The following KIRREL3 variants were observed in gnomAD, a reference collection of about 807,000 sequenced individuals.
KIRREL3 encodes kirre like nephrin family adhesion molecule 3.
A neutral mutation model predicts 89.7 loss-of-function variants in KIRREL3; 36 were observed. That is an observed-to-expected ratio of 0.40 (90% CI 0.31 to 0.53). The LOEUF is 0.53. Ranked by LOEUF, KIRREL3 falls within the 20% of genes least tolerant of loss-of-function variation. KIRREL3 has a pLI of 0.49. For synonymous variants in KIRREL3, 445 were observed against 441.4 expected, an observed-to-expected ratio of 1.01 and a Z score of -0.10; for missense variants, 864 against 1,056.6, an observed-to-expected ratio of 0.82 and a Z score of 2.53.
rs2134424351 is a variant in KIRREL3 at position 126,519,951 on chromosome 11, G to T, written c.433+1364C>A. ...AATCCCAACTTATTTACCCCCGCTG[G>T]AACAGGTTTATTTTCTCATTCCTTT... On this transcript the variant is annotated intron_variant, in intron 4 of 16. Coordinates refer to ENST00000525144, the MANE Select transcript of KIRREL3 (RefSeq NM_032531.4). This position sits in a 1 kb window ranked among gnomAD's most constrained non-coding sequence, Gnocchi z 4.3. Among the ~76,000 whole-genome samples, 1 of 152,226 alleles carries T rather than the reference G, an allele frequency of 6.6e-6. No homozygotes were observed. The highest frequency in any genetic ancestry group is 2.1e-4 in the South Asian group (1 of 4,826).
intron 1 of KIRREL3, among the ~76,000 whole-genome samples, chr11:126,882,199 T>C (rs942563895): frequency 6.6e-6 from 1 of 152,212 alleles, no homozygotes; most frequent in African/African-American, 2.4e-5. Context: ...TTCAAATGTA[T>C]CTAAAAATTG....
At chr11:126,650,605 A>G (rs1213723921) in intron 1 of KIRREL3, among the ~76,000 whole-genome samples, 2 of 152,156 alleles carry the variant, frequency 1.3e-5, no homozygotes, top group African/African-American at 4.8e-5. Flanking sequence ...CCTTATCTCC[A>G]TCTGAGACAA....
chr11:126,448,279 C>CAAAAAAAAAAAAA (rs55787866), intron 8 of KIRREL3, among the ~76,000 whole-genome samples: 2 of 95,372 alleles, frequency 2.1e-5, no homozygotes, highest in Non-Finnish European at 4.2e-5. Context: ...GAGACTGTCT[C>CAAAAAAAAAAAAA]AAAAAAAAAA....
intron 4 of KIRREL3, among the ~76,000 whole-genome samples, chr11:126,517,875 G>C (rs1385177317): frequency 2.0e-5 from 3 of 152,202 alleles, no homozygotes; most frequent in Non-Finnish European, 4.4e-5. Context: ...GTAAAACCAA[G>C]ACCACTGCCT....
At chr11:126,451,716 G>A (rs116106562) in intron 7 of KIRREL3, among the ~76,000 whole-genome samples, 1,725 of 152,320 alleles carry the variant, frequency 0.011, 33 homozygotes, top group African/African-American at 0.039. Context: ...GCATGTGTGA[G>A]CACGTGCATA....
intron 1 of KIRREL3, among the ~76,000 whole-genome samples, chr11:126,911,698 C>T (rs781240484): frequency 7.2e-5 from 11 of 152,056 alleles, no homozygotes; most frequent in African/African-American, 2.4e-5. Context: ...TCCATAAGAA[C>T]GGCATCCGGG....
rs1958313557 is a variant in KIRREL3 at position 126,513,890 on chromosome 11, T to A, written c.433+7425A>T. On this transcript the variant is annotated intron_variant, in intron 4 of 16. Coordinates refer to ENST00000525144, the MANE Select transcript of KIRREL3 (RefSeq NM_032531.4). The surrounding 1 kb of genome is among the most constrained non-coding windows in gnomAD (Gnocchi z 5.9). Reference sequence around the variant, plus strand: ...ACCCACAGGGTGGACCTCAGGGAGCTATAATATAACTTAGAGGTGAGAGAC... The same window carrying A: ...ACCCACAGGGTGGACCTCAGGGAGCAATAATATAACTTAGAGGTGAGAGAC... 6.6e-6 allele frequency among the ~76,000 whole-genome samples: 1 copy of A among 152,128 alleles called. No homozygotes were observed. Among genetic ancestry groups the A allele is most frequent in the African/African-American group, 2.4e-5 (1 of 41,424 alleles).
rs1287906632 is a variant in KIRREL3 at position 126,970,147 on chromosome 11, C to T, written c.55+30308G>A. ...CCTGCCCCCTCAGGGATATATCATG[C>T]ATTTGAAAAATTCTTTCTTCTTTCA... is the stretch of plus-strand genomic sequence containing the variant. On this transcript the variant is annotated intron_variant, in intron 1 of 16. Coordinates refer to ENST00000525144, the MANE Select transcript of KIRREL3 (RefSeq NM_032531.4). The surrounding 1 kb of genome is among the most constrained non-coding windows in gnomAD (Gnocchi z 4.4). Among the ~76,000 whole-genome samples, 1 of 152,192 alleles carries T rather than the reference C, an allele frequency of 6.6e-6. No homozygotes were observed. The highest frequency in any genetic ancestry group is 1.5e-5 in the Non-Finnish European group (1 of 68,034).
rs536985191 is a variant in KIRREL3, at chr11:126,696,128, G to C, written c.56-133216C>G. ...AAAAATTAGCCTGACATGGTGACACGTGCCTGTAGTCCCAGCTACTTGGGA... is the reference window on the plus strand; with the variant it reads ...AAAAATTAGCCTGACATGGTGACACCTGCCTGTAGTCCCAGCTACTTGGGA... On this transcript the variant is annotated intron_variant, in intron 1 of 16. Transcript: ENST00000525144. This position sits in a 1 kb window ranked among gnomAD's most constrained non-coding sequence, Gnocchi z 4.4. Among the ~76,000 whole-genome samples the C allele has an allele frequency of 6.6e-6, 1 of 151,856 alleles. No individual in the cohort carries two copies. Among genetic ancestry groups the C allele is most frequent in the Non-Finnish European group, 1.5e-5 (1 of 67,940 alleles).
At chr11:126,874,456 G>A (rs1012622688) in intron 1 of KIRREL3, among the ~76,000 whole-genome samples, 3 of 152,226 alleles carry the variant, frequency 2.0e-5, no homozygotes, top group Non-Finnish European at 4.4e-5. Context: ...AATCAGCACT[G>A]CCGGTGCCTG....
In KIRREL3 at chr11:126,495,016, G is replaced by A. The variant is rs1476841387; in HGVS notation, c.434-21550C>T. Among the ~76,000 whole-genome samples the A allele has an allele frequency of 6.6e-6, 1 of 152,212 alleles. No homozygotes were observed. Among genetic ancestry groups the A allele is most frequent in the African/African-American group, 2.4e-5 (1 of 41,450 alleles). On this transcript the variant is annotated intron_variant, in intron 4 of 16. Transcript: ENST00000525144. This position sits in a 1 kb window ranked among gnomAD's most constrained non-coding sequence, Gnocchi z 6.5. ...AGTTGGTGTCTGGAGAGGAGTGAGA[G>A]GTTCAACCAGGGTGGCTAGGCTGTG...
At chr11:126,665,426 C>T (rs369263960) in intron 1 of KIRREL3, among the ~76,000 whole-genome samples, 5 of 152,176 alleles carry the variant, frequency 3.3e-5, no homozygotes, top group African/African-American at 1.2e-4. Flanking sequence ...GTTTGTGTTT[C>T]TCCAAAATTC....
rs983531686 is a variant in KIRREL3, at chr11:126,615,005, C to T, written c.56-52093G>A. On this transcript the variant is annotated intron_variant, in intron 1 of 16. Coordinates refer to ENST00000525144, the MANE Select transcript of KIRREL3 (RefSeq NM_032531.4). The surrounding 1 kb of genome is among the most constrained non-coding windows in gnomAD (Gnocchi z 5.4). Reference sequence around the variant, plus strand: ...AGAAAAGGGGGGACTTGGGGAGAGGCGTGATTTGCGGTCTTCAAGAGGCTG... The same window carrying T: ...AGAAAAGGGGGGACTTGGGGAGAGGTGTGATTTGCGGTCTTCAAGAGGCTG... Among the ~76,000 whole-genome samples, 3 of 151,786 alleles carry T rather than the reference C, an allele frequency of 2.0e-5. No individual in the cohort carries two copies. Among genetic ancestry groups the T allele is most frequent in the African/African-American group, 4.8e-5 (2 of 41,296 alleles).
In KIRREL3 at chr11:126,860,946, C is replaced by T. The variant is rs1017346356; in HGVS notation, c.55+139509G>A. Reference sequence around the variant, plus strand: ...CTCCTATACAAAGCCTCTCCTGGTGCTACCAGAGGCAAACAAATTCTCCCT... The same window carrying T: ...CTCCTATACAAAGCCTCTCCTGGTGTTACCAGAGGCAAACAAATTCTCCCT... On this transcript the variant is annotated intron_variant, in intron 1 of 16. Coordinates refer to ENST00000525144, the MANE Select transcript of KIRREL3 (RefSeq NM_032531.4). This position sits in a 1 kb window ranked among gnomAD's most constrained non-coding sequence, Gnocchi z 4.6. Among the ~76,000 whole-genome samples the T allele has an allele frequency of 1.3e-5, 2 of 152,170 alleles. No homozygotes were observed. The highest frequency in any genetic ancestry group is 4.8e-5 in the African/African-American group (2 of 41,440).
At position 126,823,851 on chromosome 11, in the gene KIRREL3, C is replaced by T. The variant is rs541546369; in HGVS notation, c.55+176604G>A. On this transcript the variant is annotated intron_variant, in intron 1 of 16. Transcript: ENST00000525144. ...AGGGGGCTCAAGCTGGCAGGTGGGT[C>T]TGAAGGAGCAGACGAGGCACCCTGG... 3.9e-5 allele frequency among the ~76,000 whole-genome samples: 6 copies of T among 152,300 alleles called. No homozygotes were observed. The South Asian group carries it at 6.2e-4, about 16-fold the overall frequency.
At chr11:126,871,450 C>T (rs918748241) in intron 1 of KIRREL3, among the ~76,000 whole-genome samples, 2 of 152,142 alleles carry the variant, frequency 1.3e-5, no homozygotes, top group African/African-American at 4.8e-5. Context: ...GCACAAAACT[C>T]TTCCACACTT....
intron 1 of KIRREL3, among the ~76,000 whole-genome samples, chr11:126,680,051 G>C (rs1304403387): frequency 1.3e-5 from 2 of 152,168 alleles, no homozygotes; most frequent in Admixed American, 6.5e-5. Context: ...CACTTCTGTT[G>C]CTTCTCCTCA....
At chr11:126,957,652 G>A (rs947606301) in intron 1 of KIRREL3, among the ~76,000 whole-genome samples, 2 of 152,198 alleles carry the variant, frequency 1.3e-5, no homozygotes, top group African/African-American at 4.8e-5. Context: ...TAAGATGAAG[G>A]AGGCAGGGTT....
intron 1 of KIRREL3, among the ~76,000 whole-genome samples, chr11:126,693,502 G>A (rs992681241): frequency 1.3e-5 from 2 of 152,074 alleles, no homozygotes; most frequent in African/African-American, 4.8e-5. Context: ...AAGTCAACAA[G>A]GAGAGAAAGA....
Sources: gnomAD v4.1 joint callset for allele counts (sites outside exome capture counted in the v4.1 genomes callset) on GRCh38, gnomAD v4.1.1 for gene constraint, Gnocchi (gnomAD v3.1) non-coding constraint, MANE v1.5 for transcripts, NCBI Gene and HGNC (gene_info 2026-07-23, HGNC 2026-07-21) for gene names.